The following TM9SF4 variants were observed in gnomAD, a reference collection of about 807,000 sequenced individuals.
TM9SF4 encodes the protein dinucleotide oxidase disulfide thiol exchanger 3 superfamily member 4.
In TM9SF4, 26 loss-of-function variants were observed where a neutral mutation model predicts 90.4. The observed-to-expected ratio is 0.29, with a 90% CI of 0.21 to 0.40. TM9SF4 has a LOEUF of 0.40. Ranked by LOEUF, TM9SF4 falls within the 10% of genes least tolerant of loss-of-function variation. The pLI, the probability that TM9SF4 is intolerant of heterozygous loss-of-function variation, is 1.00. For missense variants in TM9SF4, 549 were observed against 834.8 expected (o/e 0.66, Z 4.22); for synonymous variants, 293 against 315.4 (o/e 0.93, Z 0.75).
rs770655350 is a variant in TM9SF4 at position 32,145,220 on chromosome 20, G to T, written c.771+11G>T. 1.2e-6 allele frequency: 2 copies of T among 1,614,120 alleles called. No homozygotes were observed. Among genetic ancestry groups the T allele is most frequent in the Non-Finnish European group, 1.7e-6 (2 of 1,179,928 alleles). ...TCTGTCCACTGGGAGGTGAGAAGGG[G>T]CTGGAGCTCATGGGCAGGGGAGGAG... is the stretch of plus-strand genomic sequence containing the variant. On this transcript the variant is annotated intron_variant, in intron 7 of 17. Transcript: ENST00000398022.
At chr20:32,109,987 A>C (rs1294890994) in intron 1 of TM9SF4, 8 of 1,394,546 alleles carry the variant, frequency 5.7e-6, no homozygotes, top group South Asian at 1.6e-5. Context: ...TCGGAGGAAG[A>C]CCTCGGCTGC....
At chr20:32,142,401 C>T (rs1229721281) in intron 5 of TM9SF4, among the ~76,000 whole-genome samples, 2 of 152,192 alleles carry the variant, frequency 1.3e-5, no homozygotes. Context: ...TCTTTCTAAA[C>T]TGAAAGATAT....
rs1290809985 is a variant in TM9SF4, at chr20:32,121,825, C to A, written c.16-11188C>A. On this transcript the variant is annotated intron_variant, in intron 1 of 17. Coordinates refer to ENST00000398022, the MANE Select transcript of TM9SF4 (RefSeq NM_014742.4). ...CTCCTGGACGGGGCGGCTGGCCGGG[C>A]GGGGGGCTGAACCCCCCACCTCCCT... Among the ~76,000 whole-genome samples the A allele has an allele frequency of 4.7e-5, 7 of 149,468 alleles. No individual in the cohort carries two copies. In the South Asian group the frequency reaches 1.3e-3, roughly 27 times the overall value.
intron 1 of TM9SF4, among the ~76,000 whole-genome samples, chr20:32,112,709 A>C (rs2046163666): frequency 6.6e-6 from 1 of 150,986 alleles, no homozygotes; most frequent in African/African-American, 2.4e-5. Flanking sequence ...AAAAAAAAAA[A>C]CAAAAAACAA....
At chr20:32,134,718 G>A (rs2046570029) in intron 2 of TM9SF4, among the ~76,000 whole-genome samples, 1 of 151,640 alleles carries the variant, frequency 6.6e-6, no homozygotes, top group Non-Finnish European at 1.5e-5. Flanking sequence ...TGTCACCCAG[G>A]CTGGAGTGCA....
chr20:32,144,840 G>C (rs932835938), intron 6 of TM9SF4, among the ~76,000 whole-genome samples: 4 of 152,230 alleles, frequency 2.6e-5, no homozygotes, highest in Non-Finnish European at 5.9e-5. Context: ...TTGAGCCTAG[G>C]AGGTTGAGGC....
intron 9 of TM9SF4, among the ~76,000 whole-genome samples, chr20:32,148,657 T>C (rs982470456): frequency 2.0e-5 from 3 of 150,030 alleles, no homozygotes; most frequent in Non-Finnish European, 4.4e-5. Context: ...TATAGAAATA[T>C]TACAGCTTTT....
Position 32,157,530 on chromosome 20 carries a change from T to G in TM9SF4, c.1330-264T>G, listed in dbSNP as rs2122465743. Reference sequence around the variant, plus strand: ...TCATCTCTTCACGTTCTCAGTCCACTCCTTCCTGTTCCTCCCCTACTTCCT... The same window carrying G: ...TCATCTCTTCACGTTCTCAGTCCACGCCTTCCTGTTCCTCCCCTACTTCCT... On this transcript the variant is annotated intron_variant, in intron 13 of 17. Coordinates refer to ENST00000398022, the MANE Select transcript of TM9SF4 (RefSeq NM_014742.4). 2.0e-5 allele frequency among the ~76,000 whole-genome samples: 3 copies of G among 152,314 alleles called. 1 individual carries two copies. In the Middle Eastern group the frequency reaches 0.01, roughly 518 times the overall value.
rs1225049218 is a variant in TM9SF4, at chr20:32,166,467, G to C, written c.*1023G>C. On this transcript the variant is annotated 3_prime_UTR_variant, in exon 18 of 18. Transcript: ENST00000398022. ...ACAGATCCCCTCCTGTAAGTGGCCA[G>C]GCATTCTCTCCCTGCCCTCTCTGGC... The C allele has an allele frequency of 6.6e-6, 1 of 152,312 alleles. No homozygotes were observed. The allele number at this position is 152,312 out of a possible 1,614,324, so 9.4% of individuals were successfully genotyped here. A position where few individuals can be genotyped will look rare whatever the true frequency, so the allele number is the denominator to read the frequency against.
At chr20:32,152,666 T>C (rs1340183873) in intron 12 of TM9SF4, among the ~76,000 whole-genome samples, 1 of 152,170 alleles carries the variant, frequency 6.6e-6, no homozygotes. Flanking sequence ...GTGGGTGTAC[T>C]CTCCTACGGC....
rs143348118 is a variant in TM9SF4 at position 32,110,213 on chromosome 20, G to A, written c.15+458G>A. The stretch of plus-strand genomic sequence containing the variant: ...TCCTCTGACCACCCTCCCAGCCCAA[G>A]CGCTGCCTCAGATCCTTTTCAGAGC... On this transcript the variant is annotated intron_variant, in intron 1 of 17. Coordinates refer to ENST00000398022, the MANE Select transcript of TM9SF4 (RefSeq NM_014742.4). 2.5e-3 allele frequency among the ~76,000 whole-genome samples: 376 copies of A among 152,010 alleles called. 1 individual carries two copies. Among genetic ancestry groups the A allele is most frequent in the African/African-American group, 8.7e-3 (359 of 41,450 alleles).
chr20:32,133,154 C>T (rs2046544827), intron 2 of TM9SF4, 28 bp downstream of exon 2: 5 of 1,606,638 alleles, frequency 3.1e-6, no homozygotes, highest in Non-Finnish European at 4.3e-6. Flanking sequence ...TTTTTGGAGC[C>T]TCTGTGCTAG....
intron 1 of TM9SF4, among the ~76,000 whole-genome samples, chr20:32,122,018 C>T (rs1327009900): frequency 1.4e-5 from 2 of 139,598 alleles, no homozygotes; most frequent in Non-Finnish European, 3.1e-5. Flanking sequence ...GGTGGCTGGC[C>T]GGGCGGGGGG....
chr20:32,132,935 G>A (rs1212945691), intron 1 of TM9SF4, 78 bp from the exon 2 acceptor site: 6 of 1,273,382 alleles, frequency 4.7e-6, no homozygotes, highest in Middle Eastern at 1.9e-4. Context: ...CAACATGAAG[G>A]TGGTATGACT....
chr20:32,160,179 C>T, intron 16 of TM9SF4, 68 bp downstream of exon 16: 1 of 1,605,720 alleles, frequency 6.2e-7, no homozygotes, highest in Non-Finnish European at 8.5e-7. Context: ...GTTGATGAGG[C>T]TCTGCGGAGA....
chr20:32,122,511 T>A (rs2046337949), intron 1 of TM9SF4, among the ~76,000 whole-genome samples: 1 of 146,360 alleles, frequency 6.8e-6, no homozygotes, highest in South Asian at 2.2e-4. Context: ...GCAGAGACGC[T>A]CCTCACCTCC....
At chr20:32,158,004 G>C (rs371362813) in intron 14 of TM9SF4, 35 bp downstream of exon 14, 1 of 1,611,418 alleles carries the variant, frequency 6.2e-7, no homozygotes, top group Non-Finnish European at 8.5e-7. Context: ...GCAGGGGAAC[G>C]TGGAAGAGGG....
rs2047091089 is a variant in TM9SF4, at chr20:32,165,766, T to G, written c.*322T>G. The G allele has an allele frequency of 6.9e-6, 2 of 291,172 alleles. No homozygotes were observed. Among genetic ancestry groups the G allele is most frequent in the Non-Finnish European group, 1.3e-5 (2 of 150,338 alleles). 18.0% of individuals were successfully genotyped at this position (291,172 alleles called of 1,614,324 possible). Reference sequence around the variant, plus strand: ...CTGGTTTGGATTTTTTTTTCCTTCTTTGTTTTAACAAATGGATCCAGGATG... The same window carrying G: ...CTGGTTTGGATTTTTTTTTCCTTCTGTGTTTTAACAAATGGATCCAGGATG... On this transcript the variant is annotated 3_prime_UTR_variant, in exon 18 of 18. Transcript: ENST00000398022.
At chr20:32,142,451 G>A (rs1017484208) in intron 5 of TM9SF4, among the ~76,000 whole-genome samples, 4 of 152,196 alleles carry the variant, frequency 2.6e-5, no homozygotes, top group Non-Finnish European at 4.4e-5. Context: ...GTTTTGAGGT[G>A]CAGCCCCTGT....
Sources: gnomAD v4.1 joint callset for allele counts (sites outside exome capture counted in the v4.1 genomes callset) on GRCh38, gnomAD v4.1.1 for gene constraint, MANE v1.5 for transcripts, NCBI Gene and HGNC (gene_info 2026-07-23, HGNC 2026-07-21) for gene names.